The following MAP4 variants were observed in gnomAD, a reference collection of about 807,000 sequenced individuals.
The protein encoded by MAP4 is microtubule-associated protein 4.
A neutral mutation model predicts 170.2 loss-of-function variants in MAP4; 76 were observed. The observed-to-expected ratio is 0.45, with a 90% CI of 0.37 to 0.54. MAP4 has a LOEUF of 0.54. Among genes scored for constraint, MAP4 ranks in the 20% least tolerant of loss-of-function variants. The probability of loss-of-function intolerance (pLI) is 0.00; values close to 1 mark genes in which losing one functional copy is unlikely to be tolerated. For synonymous variants in MAP4, 909 were observed against 994.5 expected (o/e 0.91, Z 1.62); for missense variants, 2,506 against 2,748.0 (o/e 0.91, Z 1.97).
At chr3:47,863,135 C>A (rs145826915) in intron 17 of MAP4, among the ~76,000 whole-genome samples, 1 of 152,224 alleles carries the variant, frequency 6.6e-6, no homozygotes. Context: ...CACCACTAGG[C>A]CTGGCTAATT....
intron 3 of MAP4, among the ~76,000 whole-genome samples, chr3:47,966,072 T>A (rs2154194929): frequency 6.6e-6 from 1 of 151,248 alleles, no homozygotes; most frequent in South Asian, 2.1e-4. Context: ...GGTCCCAACT[T>A]AAAAAAAAGA....
Position 47,852,516 on chromosome 3 carries a change from T to C in MAP4, c.*418A>G. On this transcript the variant is annotated 3_prime_UTR_variant, in exon 21 of 21. Coordinates refer to ENST00000683076, the MANE Select transcript of MAP4 (RefSeq NM_001385682.1). ...AGGGAGAAGGGAGGGCATGTCAGTT[T>C]CTTTTGGGTTTGGACCAAAGAACCA... 4.4e-6 allele frequency: 2 copies of C among 455,260 alleles called. No individual in the cohort carries two copies. The highest frequency in any genetic ancestry group is 7.8e-6 in the Non-Finnish European group (2 of 257,838). 28.2% of individuals were successfully genotyped at this position (455,260 alleles called of 1,614,324 possible). A position where few individuals can be genotyped will look rare whatever the true frequency, so the allele number is the denominator to read the frequency against.
rs772640520 is a variant in MAP4 at position 47,870,837 on chromosome 3, G to A, written c.6270C>T (p.Ile2090=). The change falls in exon 15 of 21, where the codon ATC becomes ATT. Residue 2090 remains isoleucine, a synonymous_variant. Transcript: ENST00000683076. ...VRSKVGSTEN[I]KHQPGGGRAK... Reference sequence around the variant, plus strand: ...CCCGGCCTCCTCCAGGCTGATGCTTGATGTTTTCCGTGGAGCCAACCTTGG... The same window carrying A: ...CCCGGCCTCCTCCAGGCTGATGCTTAATGTTTTCCGTGGAGCCAACCTTGG... The A allele has an allele frequency of 1.3e-6, 2 of 1,581,972 alleles. No homozygotes were observed. Among genetic ancestry groups the A allele is most frequent in the South Asian group, 1.2e-5 (1 of 85,222 alleles).
intron 6 of MAP4, among the ~76,000 whole-genome samples, chr3:47,917,942 T>C (rs550771957): frequency 6.6e-6 from 1 of 152,252 alleles, no homozygotes; most frequent in African/African-American, 2.4e-5. Context: ...GCAATTCTCC[T>C]GTCTCAGCCT....
chr3:48,010,530 G>T (rs1187302285), intron 1 of MAP4, among the ~76,000 whole-genome samples: 1 of 152,078 alleles, frequency 6.6e-6, no homozygotes, highest in Non-Finnish European at 1.5e-5. Flanking sequence ...TATTACATTA[G>T]GTGTAATTAT....
chr3:47,981,568 G>A (rs2100085439), intron 2 of MAP4, among the ~76,000 whole-genome samples: 2 of 151,998 alleles, frequency 1.3e-5, no homozygotes, highest in East Asian at 1.9e-4. Flanking sequence ...TCAGGAGTTC[G>A]AGACCTGCCT....
At chr3:48,008,883 G>T (rs888898125) in intron 1 of MAP4, among the ~76,000 whole-genome samples, 4 of 152,182 alleles carry the variant, frequency 2.6e-5, no homozygotes, top group Non-Finnish European at 5.9e-5. Flanking sequence ...GCCAGCAGCA[G>T]AGACCGACAC....
intron 3 of MAP4, among the ~76,000 whole-genome samples, chr3:47,976,081 C>T (rs1243891220): frequency 2.6e-5 from 4 of 152,158 alleles, no homozygotes; most frequent in East Asian, 1.9e-4. Context: ...TGAGCCACCG[C>T]GCCCGGCCTA....
chr3:48,045,948 G>A (rs996972680), intron 1 of MAP4, among the ~76,000 whole-genome samples: 9 of 150,304 alleles, frequency 6.0e-5, no homozygotes, highest in South Asian at 2.1e-4. Flanking sequence ...GAATACCTTC[G>A]AGAGTTCTTT....
At position 47,880,229 on chromosome 3, in the gene MAP4, G is replaced by A. The variant is rs902676296; in HGVS notation, c.5435-2706C>T. On this transcript the variant is annotated intron_variant, in intron 10 of 20. Coordinates refer to ENST00000683076, the MANE Select transcript of MAP4 (RefSeq NM_001385682.1). ...CTGCCTCAGCCTCCCAAGTAGCTGG[G>A]ACTACAGTACCCGCCACCACACCTG... 1.0e-4 allele frequency among the ~76,000 whole-genome samples: 15 copies of A among 150,698 alleles called. No individual in the cohort carries two copies. The East Asian group carries it at 2.9e-3, about 29-fold the overall frequency.
At chr3:48,031,892 TACAC>T (rs139294227) in intron 1 of MAP4, among the ~76,000 whole-genome samples, 21 of 147,434 alleles carry the variant, frequency 1.4e-4, no homozygotes, top group African/African-American at 3.3e-4. Context: ...CACACACACA[TACAC>T]ACACACACAC....
At position 48,062,470 on chromosome 3, in the gene MAP4, C is replaced by T. The variant is rs369068243; in HGVS notation, c.-20+26303G>A. On this transcript the variant is annotated intron_variant, in intron 1 of 18. Coordinates refer to the MAP4 transcript ENST00000360240. ...TATGACCCTGCCAAATCCCCTTCTG[C>T]GAGAAACACCCAAGAATGATCAATA... Among the ~76,000 whole-genome samples, 332 of 112,500 alleles carry T rather than the reference C, an allele frequency of 3.0e-3. 3 individuals carry two copies. Among genetic ancestry groups the T allele is most frequent in the African/African-American group, 0.011 (311 of 28,940 alleles). The allele number at this position is 112,500 out of a possible 152,430, so 73.8% of individuals were successfully genotyped here. A position where few individuals can be genotyped will look rare whatever the true frequency, so the allele number is the denominator to read the frequency against.
intron 1 of MAP4, among the ~76,000 whole-genome samples, chr3:48,077,632 G>A (rs987385243): frequency 1.3e-5 from 2 of 151,698 alleles, no homozygotes; most frequent in Non-Finnish European, 2.9e-5. Flanking sequence ...GTGCCACCAC[G>A]CCTGGCGATA....
At chr3:48,043,258 G>A (rs1055026809) in intron 1 of MAP4, among the ~76,000 whole-genome samples, 9 of 152,050 alleles carry the variant, frequency 5.9e-5, no homozygotes, top group Non-Finnish European at 1.3e-4. Flanking sequence ...GTGTCGCCAT[G>A]CCCGGCTAAT....
intron 10 of MAP4, among the ~76,000 whole-genome samples, chr3:47,882,809 T>G (rs1410131081): frequency 6.6e-6 from 1 of 152,074 alleles, no homozygotes; most frequent in Non-Finnish European, 1.5e-5. Flanking sequence ...TCTCCCTACT[T>G]TAATTTTTTT....
chr3:48,039,353 G>GA (rs2100120443), intron 1 of MAP4: 1 of 153,196 alleles, frequency 6.5e-6, no homozygotes, highest in South Asian at 2.0e-4. Context: ...CTTACTTCCT[G>GA]AACGTGAAAT....
intron 3 of MAP4, among the ~76,000 whole-genome samples, chr3:47,964,218 T>C (rs932609533): frequency 3.9e-5 from 6 of 152,338 alleles, no homozygotes; most frequent in African/African-American, 1.4e-4. Flanking sequence ...CCACTGTAGA[T>C]GTTTTTAAGA....
intron 3 of MAP4, among the ~76,000 whole-genome samples, chr3:47,930,927 TA>T (rs766820917): frequency 2.9e-3 from 289 of 100,018 alleles, no homozygotes; most frequent in Middle Eastern, 0.013. Context: ...AGACTCTGTC[TA>T]AAAAAAAAAA....
intron 3 of MAP4, among the ~76,000 whole-genome samples, chr3:47,963,173 T>TA (rs2100072711): frequency 1.3e-5 from 2 of 152,216 alleles, no homozygotes; most frequent in African/African-American, 4.8e-5. Context: ...ATGCTCCAGT[T>TA]ACATCCGATT....
Sources: allele counts gnomAD v4.1 joint callset (sites outside exome capture counted in the v4.1 genomes callset), GRCh38; gene constraint gnomAD v4.1.1; transcripts MANE v1.5; gene names NCBI Gene and HGNC (gene_info 2026-07-23, HGNC 2026-07-21).